Variants in AIPL1 observed in about 807,000 individuals in gnomAD.
AIPL1 encodes the protein AIP like 1 HSP90 co-chaperone.
Under a neutral mutation model 32.9 loss-of-function variants are expected in AIPL1, and 23 were observed. The ratio of observed to expected loss-of-function variants is 0.70; its 90% confidence interval spans 0.50 to 0.99. The LOEUF (loss-of-function observed/expected upper bound fraction) is 0.99. AIPL1 is among the 50% of genes least tolerant of loss of function. AIPL1 has a pLI of 0.00. For missense variants in AIPL1, 485 were observed against 506.0 expected (o/e 0.96, Z 0.40); for synonymous variants, 210 against 209.4 (o/e 1.00, Z -0.02).
At chr17:6,429,816 GTAGGTAGGTAGATAGATAGATAGA>G (rs1388106185) in intron 2 of AIPL1, among the ~76,000 whole-genome samples, 37 of 145,068 alleles carry the variant, frequency 2.6e-4, no homozygotes, top group East Asian at 1.0e-3. Flanking sequence ...AGGTAGGTAG[GTAGGTAGGTAGATAGATAGATAGA>G]TAGATAGATA....
chr17:6,431,782 G>A (rs1401714553), intron 2 of AIPL1, among the ~76,000 whole-genome samples: 1 of 152,200 alleles, frequency 6.6e-6, no homozygotes, highest in Non-Finnish European at 1.5e-5. Context: ...GGATCAGGCT[G>A]TCAACACCTA....
At position 6,435,013 on chromosome 17, in the gene AIPL1, G is replaced by T. The variant is rs1458100796; in HGVS notation, c.92C>A (p.Ser31Tyr). Residue 31 changes from serine (S) to tyrosine (Y), a missense_variant, in exon 1 of 6, where the codon TCC becomes TAC. Physicochemically the swap from Ser to Tyr is moderately radical, Grantham distance 144 (BLOSUM62 -2). Coordinates refer to ENST00000381129, the MANE Select transcript of AIPL1 (RefSeq NM_014336.5). ...TGELPNFITG[S>Y]RVIFHFRTMK... ...CTCCGGAGGGGCCCCACTCACTCGG[G>T]ATCCGGTGATGAAGTTTGGGAGCTC... 6 of 1,614,188 alleles carry T rather than the reference G, an allele frequency of 3.7e-6. No individual in the cohort carries two copies. In the Admixed American group the frequency reaches 1.0e-4, roughly 27 times the overall value.
Position 6,433,955 on chromosome 17 carries a change from C to A in AIPL1, c.240G>T (p.Arg80=), listed in dbSNP as rs917542921. ...ACCAGAACTCGGCCACCTCGTGCAC[C>A]CGCATGGAGGTAAGCAGGATCTCCC... ...EVWEILLTSM[R]VHEVAEFWCD... Residue 80 remains arginine, a synonymous_variant, in exon 2 of 6, where the codon CGG becomes CGT. Transcript: ENST00000381129. The A allele has an allele frequency of 1.2e-5, 19 of 1,613,224 alleles. No homozygotes were observed. Among genetic ancestry groups the A allele is most frequent in the African/African-American group, 4.0e-5 (3 of 74,286 alleles).
At chr17:6,432,252 G>A (rs1289912493) in intron 2 of AIPL1, among the ~76,000 whole-genome samples, 6 of 151,902 alleles carry the variant, frequency 3.9e-5, no homozygotes, top group Admixed American at 6.6e-5. Flanking sequence ...GCGTGGTGGC[G>A]GGCACCTGTA....
chr17:6,425,857 A>G, intron 5 of AIPL1, 27 bp from the exon 6 acceptor site: 1 of 1,598,356 alleles, frequency 6.3e-7, no homozygotes, highest in Non-Finnish European at 8.5e-7. Context: ...GCATCCAGCT[A>G]CAGCTCCCTT....
chr17:6,433,895 G>T, intron 2 of AIPL1, 24 bp downstream of exon 2: 1 of 1,611,090 alleles, frequency 6.2e-7, no homozygotes, highest in South Asian at 1.1e-5. Flanking sequence ...AGTCCCAGGA[G>T]ACAGGCGCGC....
rs901420913 is a variant in AIPL1, at chr17:6,434,176, C to T, written c.97-78G>A. ...AGAAGCCACCCCCTTGCCACCGACACCCAGGGCTGTCCCCAGGGTCAGCTC... is the reference window on the plus strand; with the variant it reads ...AGAAGCCACCCCCTTGCCACCGACATCCAGGGCTGTCCCCAGGGTCAGCTC... On this transcript the variant is annotated intron_variant, in intron 1 of 5. Coordinates refer to ENST00000381129, the MANE Select transcript of AIPL1 (RefSeq NM_014336.5). 29 of 1,517,260 alleles carry T rather than the reference C, an allele frequency of 1.9e-5. 1 individual carries two copies. The South Asian group carries it at 2.5e-4, about 13-fold the overall frequency. The allele number at this position is 1,517,260 out of a possible 1,614,324, so 94.0% of individuals were successfully genotyped here. A position where few individuals can be genotyped will look rare whatever the true frequency, so the allele number is the denominator to read the frequency against.
chr17:6,425,438 G>A lies in AIPL1; in HGVS notation c.*22C>T. The A allele has an allele frequency of 6.4e-7, 1 of 1,569,860 alleles. No homozygotes were observed. Among genetic ancestry groups the A allele is most frequent in the Non-Finnish European group, 8.6e-7 (1 of 1,158,204 alleles). ...ACCAGGCCACTTGCTCCCTGCCTGG[G>A]TGGCTGTGGGCCTCAGGGGGCTCAG... On this transcript the variant is annotated 3_prime_UTR_variant, in exon 6 of 6. Transcript: ENST00000381129.
In AIPL1 at chr17:6,426,670, C is replaced by T. The variant is rs1912000268; in HGVS notation, c.729G>A (p.Lys243=). 3 of 1,614,198 alleles carry T rather than the reference C, an allele frequency of 1.9e-6. No homozygotes were observed. The highest frequency in any genetic ancestry group is 2.5e-6 in the Non-Finnish European group (3 of 1,180,008). The part of the protein sequence containing the change: ...ILNYCQCLLK[K]EEYYEVLEHT... Reference sequence around the variant, plus strand: ...GCTCCAGCACCTCATAGTACTCCTCCTTCTTCAGCAGGCACTGGCAGTAGT... The same window carrying T: ...GCTCCAGCACCTCATAGTACTCCTCTTTCTTCAGCAGGCACTGGCAGTAGT... Residue 243 remains lysine (K), a synonymous_variant, in exon 5 of 6, where the codon AAG becomes AAA. Coordinates refer to ENST00000381129, the MANE Select transcript of AIPL1 (RefSeq NM_014336.5).
chr17:6,429,465 G>C (rs780661169), intron 2 of AIPL1, among the ~76,000 whole-genome samples: 1 of 152,244 alleles, frequency 6.6e-6, no homozygotes, highest in Non-Finnish European at 1.5e-5. Flanking sequence ...GAGACAAGCA[G>C]ATGGCTGTTG....
In AIPL1 at chr17:6,428,301, G is replaced by T; in HGVS notation, c.465+17C>A. 6.2e-7 allele frequency: 1 copy of T among 1,604,496 alleles called. No individual in the cohort carries two copies. ...AGTGCTGGCACAGCCCTCCAGCCCT[G>T]CCAACCCCAGCCCCACCTGCAGCAG... On this transcript the variant is annotated intron_variant, in intron 3 of 5. Transcript: ENST00000381129.
rs748210823 is a variant in AIPL1, at chr17:6,433,957, G to T, written c.238C>A (p.Arg80=). 8.1e-6 allele frequency: 13 copies of T among 1,614,002 alleles called. No individual in the cohort carries two copies. The highest frequency in any genetic ancestry group is 1.7e-4 in the Middle Eastern group (1 of 6,048). ...CAGAACTCGGCCACCTCGTGCACCC[G>T]CATGGAGGTAAGCAGGATCTCCCAG... ...EVWEILLTSM[R]VHEVAEFWCD... The change falls in exon 2 of 6, where the codon CGG becomes AGG. Residue 80 remains arginine (R), a synonymous_variant. Transcript: ENST00000381129.
At chr17:6,430,062 T>C (rs1014980336) in intron 2 of AIPL1, among the ~76,000 whole-genome samples, 1 of 149,986 alleles carries the variant, frequency 6.7e-6, no homozygotes, top group African/African-American at 2.5e-5. Flanking sequence ...TGTGTGTGTG[T>C]GTGTGTGTGT....
Position 6,426,880 on chromosome 17 carries a change from C to G in AIPL1, c.642+1G>C. The G allele has an allele frequency of 6.2e-7, 1 of 1,614,146 alleles. No individual in the cohort carries two copies. ...CCCACCCCTGGCCAGCGGCCTCTGA[C>G]CTTGGTCTGCAGGTTCCTTAGGCAG... On this transcript the variant is annotated splice_donor_variant, in intron 4 of 5. Transcript: ENST00000381129. LOFTEE classifies it high-confidence loss of function.
chr17:6,423,800 A>T lies in AIPL1; in HGVS notation c.*1660T>A, dbSNP rs141811186. The T allele has an allele frequency of 6.6e-6, 1 of 152,350 alleles. No homozygotes were observed. The highest frequency in any genetic ancestry group is 1.5e-5 in the Non-Finnish European group (1 of 68,036). The allele number at this position is 152,350 out of a possible 1,614,324, so 9.4% of individuals were successfully genotyped here. A position where few individuals can be genotyped will look rare whatever the true frequency, so the allele number is the denominator to read the frequency against. On this transcript the variant is annotated 3_prime_UTR_variant, in exon 6 of 6. Coordinates refer to ENST00000381129, the MANE Select transcript of AIPL1 (RefSeq NM_014336.5). ...AATCAACCTATGGACAAAGCACAGA[A>T]GATTTAGTTTTGCTTACAGAGCAGA...
intron 2 of AIPL1, among the ~76,000 whole-genome samples, chr17:6,432,787 C>T (rs895324577): frequency 4.6e-5 from 7 of 152,076 alleles, no homozygotes; most frequent in African/African-American, 1.2e-4. Flanking sequence ...TGTGCCACCA[C>T]GCCCAGCTAA....
intron 2 of AIPL1, among the ~76,000 whole-genome samples, chr17:6,429,072 C>T (rs747902886): frequency 5.3e-5 from 8 of 152,132 alleles, no homozygotes; most frequent in African/African-American, 1.7e-4. Context: ...TGCTCCTGTT[C>T]GATATTAGGG....
At chr17:6,427,423 G>C (rs1003522634) in intron 3 of AIPL1, among the ~76,000 whole-genome samples, 1 of 152,278 alleles carries the variant, frequency 6.6e-6, no homozygotes, top group African/African-American at 2.4e-5. Context: ...ACCTTGTGCA[G>C]TGCACAGACC....
intron 3 of AIPL1, among the ~76,000 whole-genome samples, chr17:6,427,500 C>T (rs977880743): frequency 3.9e-5 from 6 of 152,312 alleles, no homozygotes; most frequent in Middle Eastern, 6.8e-3. Context: ...TTTTTATTCA[C>T]CCACATAGCT....
Sources: allele counts gnomAD v4.1 joint callset (sites outside exome capture counted in the v4.1 genomes callset), GRCh38; gene constraint gnomAD v4.1.1; transcripts MANE v1.5; gene names NCBI Gene and HGNC (gene_info 2026-07-23, HGNC 2026-07-21).